Variants in MACROD1 observed in about 807,000 individuals in gnomAD.
MACROD1 encodes the protein ADP-ribose glycohydrolase MACROD1.
MACROD1 carries 31 observed loss-of-function variants against 41.4 expected under a neutral mutation model. That is an observed-to-expected ratio of 0.75 (90% CI 0.56 to 1.01). The LOEUF is 1.01. Ranked by LOEUF, MACROD1 falls within the 50% of genes least tolerant of loss-of-function variation. MACROD1 has a pLI of 0.00. For synonymous variants in MACROD1, 252 were observed against 203.4 expected (o/e 1.24, Z -2.03); for missense variants, 473 against 460.0 (o/e 1.03, Z -0.26).
intron 3 of MACROD1, among the ~76,000 whole-genome samples, chr11:64,143,475 G>T (rs902409812): frequency 2.0e-5 from 3 of 152,144 alleles, no homozygotes; most frequent in Non-Finnish European, 1.5e-5. Context: ...CATGGGGCAT[G>T]CCGGGGACTT....
chr11:64,154,613 C>T (rs1456183794), intron 1 of MACROD1, among the ~76,000 whole-genome samples: 1 of 152,236 alleles, frequency 6.6e-6, no homozygotes, highest in Non-Finnish European at 1.5e-5. Flanking sequence ...CCAATGCTGC[C>T]TCCCCCACTA....
chr11:64,121,782 T>C (rs1945102383), intron 3 of MACROD1, among the ~76,000 whole-genome samples: 1 of 152,172 alleles, frequency 6.6e-6, no homozygotes, highest in African/African-American at 2.4e-5. Context: ...AGCCTCTAAG[T>C]AGCCAGAATA....
At chr11:64,077,719 CAG>C (rs967766084) in intron 3 of MACROD1, among the ~76,000 whole-genome samples, 4 of 152,234 alleles carry the variant, frequency 2.6e-5, no homozygotes, top group East Asian at 1.9e-4. Flanking sequence ...AAACAGGTCT[CAG>C]GGGGTCACTA....
chr11:64,009,275 C>T (rs929159195), intron 4 of MACROD1: 2 of 152,162 alleles, frequency 1.3e-5, no homozygotes, highest in South Asian at 4.1e-4. Flanking sequence ...AAAAGCTTTC[C>T]AGGAGGGAGG....
chr11:64,131,296 AC>A (rs1565251966), intron 3 of MACROD1, among the ~76,000 whole-genome samples: 1 of 152,050 alleles, frequency 6.6e-6, no homozygotes, highest in Non-Finnish European at 1.5e-5. Flanking sequence ...CCCTCACCCC[AC>A]CCACGTGTGG....
At chr11:64,156,652 C>T (rs1044620307) in intron 1 of MACROD1, among the ~76,000 whole-genome samples, 3 of 152,212 alleles carry the variant, frequency 2.0e-5, no homozygotes, top group Non-Finnish European at 2.9e-5. Context: ...TCCCACACTG[C>T]CCTCCCTAAG....
At chr11:64,018,759 T>C (rs2134346292) in intron 3 of MACROD1, among the ~76,000 whole-genome samples, 1 of 152,288 alleles carries the variant, frequency 6.6e-6, no homozygotes. Flanking sequence ...AGGAGGAAAC[T>C]GAGGCTCACA....
In MACROD1 at chr11:64,117,296, G is replaced by A. The variant is rs751115779; in HGVS notation, c.517+33943C>T. On this transcript the variant is annotated intron_variant, in intron 3 of 10. Transcript: ENST00000255681. ...ACCTCATGTGGCTGCGGGACTGGGT[G>A]AAGGCACGGGCGGCCGTGGTCAACG... The A allele has an allele frequency of 2.4e-4, 380 of 1,614,170 alleles. 1 individual carries two copies. The South Asian group carries it at 4.0e-3, about 17-fold the overall frequency.
chr11:64,132,163 G>C (rs1945275105), intron 3 of MACROD1, among the ~76,000 whole-genome samples: 1 of 152,076 alleles, frequency 6.6e-6, no homozygotes, highest in African/African-American at 2.4e-5. Context: ...TACAGTCTGG[G>C]ATGTGGTTAG....
chr11:64,132,150 A>T (rs999843173), intron 3 of MACROD1, among the ~76,000 whole-genome samples: 1 of 151,650 alleles, frequency 6.6e-6, no homozygotes, highest in African/African-American at 2.4e-5. Flanking sequence ...GGACAAGGGG[A>T]CCTACAGTCT....
intron 3 of MACROD1, among the ~76,000 whole-genome samples, chr11:64,141,828 G>C (rs898773893): frequency 2.0e-5 from 3 of 152,166 alleles, no homozygotes; most frequent in Non-Finnish European, 4.4e-5. Flanking sequence ...ACTCCTAGCT[G>C]GGGTTTTCTA....
chr11:64,019,208 C>A (rs1051363018), intron 3 of MACROD1, among the ~76,000 whole-genome samples: 5 of 152,202 alleles, frequency 3.3e-5, no homozygotes, highest in African/African-American at 1.2e-4. Flanking sequence ...CCGGCCCCAT[C>A]GGGTTCCCCC....
intron 4 of MACROD1, among the ~76,000 whole-genome samples, chr11:64,011,506 G>A (rs948115961): frequency 2.6e-5 from 4 of 151,936 alleles, no homozygotes; most frequent in Non-Finnish European, 4.4e-5. Context: ...GCCACTCACT[G>A]CACCACAGAT....
intron 3 of MACROD1, among the ~76,000 whole-genome samples, chr11:64,123,656 G>A (rs1945134706): frequency 1.3e-5 from 2 of 152,198 alleles, no homozygotes; most frequent in East Asian, 3.9e-4. Flanking sequence ...CTCCAGCACT[G>A]CCCTAGGGAA....
At chr11:64,004,826 G>C (rs1408352964) in intron 4 of MACROD1, among the ~76,000 whole-genome samples, 1 of 151,952 alleles carries the variant, frequency 6.6e-6, no homozygotes, top group East Asian at 1.9e-4. Flanking sequence ...GAGGTGGGAG[G>C]GTCACTTGAG....
intron 3 of MACROD1, among the ~76,000 whole-genome samples, chr11:64,018,002 C>T (rs1943104848): frequency 6.6e-6 from 1 of 152,146 alleles, no homozygotes; most frequent in South Asian, 2.1e-4. Flanking sequence ...TGCACTGCAC[C>T]CGGCAAGGTG....
chr11:64,127,443 A>G (rs991541801), intron 3 of MACROD1, among the ~76,000 whole-genome samples: 13 of 141,174 alleles, frequency 9.2e-5, no homozygotes, highest in African/African-American at 3.4e-4. Flanking sequence ...CCCGAGGCTC[A>G]GCCCACCCCT....
intron 3 of MACROD1, among the ~76,000 whole-genome samples, chr11:64,092,457 C>T (rs758727193): frequency 8.5e-5 from 13 of 152,182 alleles, no homozygotes; most frequent in South Asian, 2.1e-4. Flanking sequence ...GCCTATGTGC[C>T]GCTGGAGAGG....
intron 3 of MACROD1, chr11:64,117,883 T>G (rs754446142): frequency 2.9e-5 from 46 of 1,613,992 alleles, no homozygotes; most frequent in Non-Finnish European, 3.9e-5. Flanking sequence ...ACCACCACAC[T>G]CAACCAGGAG....
Sources: gnomAD v4.1 joint callset for allele counts (sites outside exome capture counted in the v4.1 genomes callset) on GRCh38, gnomAD v4.1.1 for gene constraint, MANE v1.5 for transcripts, NCBI Gene and HGNC (gene_info 2026-07-23, HGNC 2026-07-21) for gene names.